Variants in RTKN2 observed in about 807,000 individuals in gnomAD.
RTKN2 encodes the protein rhotekin-2.
In RTKN2, 69 loss-of-function variants were observed where a neutral mutation model predicts 71.5. The ratio of observed to expected loss-of-function variants is 0.96; its 90% CI spans 0.79 to 1.18. RTKN2 has a LOEUF of 1.18. Ranked by LOEUF, RTKN2 falls within the 50% of genes most tolerant of loss-of-function variation. The pLI is 0.00. For missense variants in RTKN2, 724 were observed against 719.7 expected (o/e 1.01, Z -0.07); for synonymous variants, 236 against 236.5 (o/e 1.00, Z 0.02).
At chr10:62,190,130 A>G (rs934637558), downstream of RTKN2, among the ~76,000 whole-genome samples, 4 of 152,150 alleles carry the variant, frequency 2.6e-5, no homozygotes, top group African/African-American at 9.7e-5. Context: ...TATAGGCTGG[A>G]TCTAATTGCG....
At position 62,194,905 on chromosome 10, in the gene RTKN2, T is replaced by A. The variant is rs1435678010; in HGVS notation, c.*3003A>T. 1 of 985,194 alleles carries A rather than the reference T, an allele frequency of 1.0e-6. No individual in the cohort carries two copies. The highest frequency in any genetic ancestry group is 1.7e-5 in the African/African-American group (1 of 57,236). 61.0% of individuals were successfully genotyped at this position (985,194 alleles called of 1,614,324 possible). A position where few individuals can be genotyped will look rare whatever the true frequency, so the allele number is the denominator to read the frequency against. On this transcript the variant is annotated 3_prime_UTR_variant, in exon 12 of 12. Coordinates refer to ENST00000373789, the MANE Select transcript of RTKN2 (RefSeq NM_145307.4). ...AGTTTTCCACATATATTCACATCCA[T>A]TTAAAAGAAGTCAGGGGGCACTGCA...
At chr10:62,216,656 A>C (rs10740065) in intron 9 of RTKN2, among the ~76,000 whole-genome samples, 114,916 of 151,492 alleles carry the variant, frequency 0.76, 43,660 homozygotes, top group East Asian at 0.9. Flanking sequence ...ACTATTCTAA[A>C]TGGACTGTCA....
At position 62,217,141 on chromosome 10, in the gene RTKN2, C is replaced by T; in HGVS notation, c.997G>A (p.Ala333Thr). ...PEEIEAKVEPALVVPINKETR... is the reference protein window; with the variant it reads ...PEEIEAKVEPTLVVPINKETR... Reference sequence around the variant, plus strand: ...ACCTTGTTAATGGGTACTACCAAAGCTGGTTCCACTTTAGCTTCAATTTCC... The same window carrying T: ...ACCTTGTTAATGGGTACTACCAAAGTTGGTTCCACTTTAGCTTCAATTTCC... The change falls in exon 9 of 12, where the codon GCT becomes ACT. Residue 333 changes from alanine (A) to threonine (T), a missense_variant. By Grantham distance (58) the Ala-to-Thr change is moderately conservative. Transcript: ENST00000373789. 3 of 1,583,198 alleles carry T rather than the reference C, an allele frequency of 1.9e-6. No homozygotes were observed. Among genetic ancestry groups the T allele is most frequent in the Non-Finnish European group, 2.6e-6 (3 of 1,168,098 alleles).
At chr10:62,247,441 A>C (rs1281678510) in intron 2 of RTKN2, among the ~76,000 whole-genome samples, 1 of 151,992 alleles carries the variant, frequency 6.6e-6, no homozygotes, top group Non-Finnish European at 1.5e-5. Context: ...AATGCAGTAT[A>C]TTTAAAGCCA....
At chr10:62,213,651 A>G (rs1368982302) in intron 9 of RTKN2, among the ~76,000 whole-genome samples, 1 of 152,166 alleles carries the variant, frequency 6.6e-6, no homozygotes, top group Non-Finnish European at 1.5e-5. Flanking sequence ...TAGGAGTTAC[A>G]TGTTGAAGTA....
rs985305501 is a variant in RTKN2 at position 62,196,065 on chromosome 10, A to T, written c.*1843T>A. 1.0e-6 allele frequency: 1 copy of T among 985,268 alleles called. No homozygotes were observed. The highest frequency in any genetic ancestry group is 1.7e-5 in the African/African-American group (1 of 57,248). 61.0% of individuals were successfully genotyped at this position (985,268 alleles called of 1,614,324 possible). On this transcript the variant is annotated 3_prime_UTR_variant, in exon 12 of 12. Transcript: ENST00000373789. Reference sequence around the variant, plus strand: ...AACTAGGAAAAAAAAAAGAATGCTTAGATGCCAGCTTCAAAACAATTTTCC... The same window carrying T: ...AACTAGGAAAAAAAAAAGAATGCTTTGATGCCAGCTTCAAAACAATTTTCC...
At chr10:62,199,603 T>G in intron 11 of RTKN2, 151 bp downstream of exon 11, 1 of 480,848 alleles carries the variant, frequency 2.1e-6, no homozygotes, top group Non-Finnish European at 3.8e-6. Flanking sequence ...CTATTAAACA[T>G]GAGTTCCTTA....
In RTKN2 at chr10:62,194,210, ATGACT is replaced by A; in HGVS notation, c.*3693_*3697del. On this transcript the variant is annotated 3_prime_UTR_variant, in exon 12 of 12. Transcript: ENST00000373789. ...ACACACCCTAATATATTTTCAAATGATGACTTGTCTTTTAAAAACCCAAAGGTAAC... is the reference window on the plus strand; with the variant it reads ...ACACACCCTAATATATTTTCAAATGATGTCTTTTAAAAACCCAAAGGTAAC... 1 of 984,744 alleles carries A rather than the reference ATGACT, an allele frequency of 1.0e-6. No homozygotes were observed. The highest frequency in any genetic ancestry group is 1.2e-6 in the Non-Finnish European group (1 of 829,296). The allele number at this position is 984,744 out of a possible 1,614,324, so 61.0% of individuals were successfully genotyped here.
At chr10:62,230,602 C>T (rs140426835) in intron 6 of RTKN2, among the ~76,000 whole-genome samples, 1 of 152,308 alleles carries the variant, frequency 6.6e-6, no homozygotes, top group East Asian at 1.9e-4. Flanking sequence ...GGCACTTTGA[C>T]AAGCAACATC....
At chr10:62,249,945 A>G (rs1842547808) in intron 2 of RTKN2, among the ~76,000 whole-genome samples, 1 of 152,200 alleles carries the variant, frequency 6.6e-6, no homozygotes, top group East Asian at 1.9e-4. Flanking sequence ...TAGCCATCTA[A>G]ATCAGATTAT....
At chr10:62,257,453 A>G (rs1842696063) in intron 2 of RTKN2, among the ~76,000 whole-genome samples, 2 of 152,178 alleles carry the variant, frequency 1.3e-5, no homozygotes, top group Admixed American at 1.3e-4. Context: ...TTATCAAGGA[A>G]ACTTTGAGGC....
At chr10:62,219,972 C>T (rs1006557702) in intron 7 of RTKN2, among the ~76,000 whole-genome samples, 12 of 152,200 alleles carry the variant, frequency 7.9e-5, no homozygotes, top group African/African-American at 1.9e-4. Context: ...AAAAACCAAA[C>T]ATATGGCCCT....
At chr10:62,224,997 TTTATA>T (rs1169700500) in intron 6 of RTKN2, among the ~76,000 whole-genome samples, 1 of 152,132 alleles carries the variant, frequency 6.6e-6, no homozygotes, top group African/African-American at 2.4e-5. Context: ...TAGGGTCTGA[TTTATA>T]TTAATTTCCC....
Position 62,184,153 on chromosome 10 carries a change from C to T in RTKN2, c.*169G>A, listed in dbSNP as rs1459800784. ...TCTACAAAATGTTTACTCAATGACTCTTAAATATTCTTCTAAGGTCACTAT... is the reference window on the plus strand; with the variant it reads ...TCTACAAAATGTTTACTCAATGACTTTTAAATATTCTTCTAAGGTCACTAT... On this transcript the variant is annotated 3_prime_UTR_variant, in exon 9 of 9. Transcript: ENST00000315289. 7.8e-6 allele frequency: 4 copies of T among 516,022 alleles called. No homozygotes were observed. The Admixed American group carries it at 1.6e-4, about 20-fold the overall frequency. The allele number at this position is 516,022 out of a possible 1,614,324, so 32.0% of individuals were successfully genotyped here. A position where few individuals can be genotyped will look rare whatever the true frequency, so the allele number is the denominator to read the frequency against.
chr10:62,236,876 TTG>T (rs1842270065), intron 5 of RTKN2, among the ~76,000 whole-genome samples: 2 of 151,496 alleles, frequency 1.3e-5, no homozygotes, highest in South Asian at 2.1e-4. Flanking sequence ...AATGAAAATA[TTG>T]TGTGTTCTCA....
intron 6 of RTKN2, among the ~76,000 whole-genome samples, chr10:62,226,821 C>A (rs1177922621): frequency 6.6e-6 from 1 of 152,144 alleles, no homozygotes; most frequent in Non-Finnish European, 1.5e-5. Context: ...GTAGGCTGGG[C>A]ATGGTGGCTC....
At chr10:62,215,088 A>G in intron 9 of RTKN2, 1 of 1,499,822 alleles carries the variant, frequency 6.7e-7, no homozygotes, top group Non-Finnish European at 9.0e-7. Context: ...AATAAAACTA[A>G]TGACTTCAAA....
In RTKN2 at chr10:62,197,864, T is replaced by A. The variant is rs764617286; in HGVS notation, c.*44A>T. 11 of 1,546,900 alleles carry A rather than the reference T, an allele frequency of 7.1e-6. 1 individual carries two copies. The highest frequency in any genetic ancestry group is 6.9e-5 in the African/African-American group (5 of 72,610). ...TTCTATAATGCCTCTGAATTAAGCT[T>A]CACAGTTATAGATTTTGTTAAATGT... On this transcript the variant is annotated 3_prime_UTR_variant, in exon 12 of 12. Coordinates refer to ENST00000373789, the MANE Select transcript of RTKN2 (RefSeq NM_145307.4).
intron 11 of RTKN2, among the ~76,000 whole-genome samples, chr10:62,198,963 A>C (rs371784016): frequency 2.0e-5 from 3 of 152,310 alleles, no homozygotes; most frequent in Non-Finnish European, 2.9e-5. Flanking sequence ...GAAAATGCTT[A>C]AAACCAAAAA....
Sources: allele counts gnomAD v4.1 joint callset (sites outside exome capture counted in the v4.1 genomes callset), GRCh38; gene constraint gnomAD v4.1.1; transcripts MANE v1.5; gene names NCBI Gene and HGNC (gene_info 2026-07-23, HGNC 2026-07-21).